The following DOK7 variants were observed in gnomAD, a reference collection of about 807,000 sequenced individuals.
DOK7 encodes docking protein 7, also known as protein Dok-7.
DOK7 carries 32 observed loss-of-function variants against 30.7 expected under a neutral mutation model. That is an observed-to-expected ratio of 1.04 (90% CI 0.79 to 1.40). The LOEUF (loss-of-function observed/expected upper bound fraction) is 1.40, where lower values mean the gene tolerates loss of function less well. Among genes scored for constraint, DOK7 ranks in the 40% most tolerant of loss-of-function variants. The pLI, the probability that DOK7 is intolerant of heterozygous loss-of-function variation, is 0.00. For synonymous variants in DOK7, 447 were observed against 324.1 expected, an observed-to-expected ratio of 1.38 and a Z score of -4.07; for missense variants, 1,007 against 699.2, an observed-to-expected ratio of 1.44 and a Z score of -4.97.
intron 5 of DOK7, among the ~76,000 whole-genome samples, chr4:3,488,199 C>G (rs143987548): frequency 2.6e-3 from 401 of 152,372 alleles, no homozygotes; most frequent in African/African-American, 9.3e-3. Flanking sequence ...GGGCCCCAGG[C>G]TGACCGGGGC....
chr4:3,468,441 C>T (rs1043454858), intron 2 of DOK7, among the ~76,000 whole-genome samples: 18 of 129,682 alleles, frequency 1.4e-4, no homozygotes, highest in East Asian at 4.6e-4. Context: ...TGTACATGTA[C>T]GAGTGTGTGC....
At chr4:3,479,724 G>A (rs1727325456) in intron 4 of DOK7, among the ~76,000 whole-genome samples, 4 of 152,232 alleles carry the variant, frequency 2.6e-5, no homozygotes, top group Non-Finnish European at 5.9e-5. Context: ...TGGGGGTCGG[G>A]TGGAGACAGG....
chr4:3,500,201 C>G, intron 6 of DOK7: 4 of 1,525,372 alleles, frequency 2.6e-6, no homozygotes, highest in Non-Finnish European at 3.5e-6. Flanking sequence ...TCTTTGAGAT[C>G]TGTGCCCCTC....
At chr4:3,499,062 A>C (rs553392067), downstream of DOK7, among the ~76,000 whole-genome samples, 1 of 152,186 alleles carries the variant, frequency 6.6e-6, no homozygotes, top group Non-Finnish European at 1.5e-5. Flanking sequence ...CAAGGGTGAG[A>C]GGAGCCAGGC....
rs753317302 is a variant in DOK7, at chr4:3,493,353, T to C, written c.1367T>C (p.Met456Thr). The change falls in exon 7 of 7, where the codon ATG becomes ACG. Residue 456 changes from methionine to threonine, a missense_variant. Coordinates refer to ENST00000340083, the MANE Select transcript of DOK7 (RefSeq NM_173660.5). Reference protein sequence around the residue: ...WLGTRRRGLVMEAPQGSEATL... With the variant: ...WLGTRRRGLVTEAPQGSEATL... ...GGCACGAGACGGCGGGGCCTGGTGA[T>C]GGAGGCCCCCCAGGGCAGCGAGGCC... 2 of 1,598,680 alleles carry C rather than the reference T, an allele frequency of 1.3e-6. No individual in the cohort carries two copies. The highest frequency in any genetic ancestry group is 8.5e-7 in the Non-Finnish European group (1 of 1,172,978).
chr4:3,494,199 CCCTGGTGGGAGCTCT>C lies in DOK7; in HGVS notation c.*699_*713del. 1.0e-6 allele frequency: 1 copy of C among 985,542 alleles called. No homozygotes were observed. Among genetic ancestry groups the C allele is most frequent in the East Asian group, 1.1e-4 (1 of 8,812 alleles). 61.0% of individuals were successfully genotyped at this position (985,542 alleles called of 1,614,324 possible). On this transcript the variant is annotated 3_prime_UTR_variant, in exon 7 of 7. Coordinates refer to ENST00000340083, the MANE Select transcript of DOK7 (RefSeq NM_173660.5). ...CTGGGAGAGGCGCCGTGCCTCGGGC[CCCTGGTGGGAGCTCT>C]GCTGGCTCCTGTCTGAACCTCCTCG...
exon 8 of DOK7, chr4:3,500,986 T>C: frequency 2.5e-6 from 3 of 1,186,920 alleles, no homozygotes; most frequent in Non-Finnish European, 2.3e-6. Context: ...AACAGGAAGT[T>C]TTCAGGGCCC....
chr4:3,466,722 G>A (rs752789113), intron 2 of DOK7, among the ~76,000 whole-genome samples: 9 of 152,190 alleles, frequency 5.9e-5, no homozygotes, highest in Non-Finnish European at 7.4e-5. Flanking sequence ...CCCCGCCTGC[G>A]TCCTCGTCTA....
At chr4:3,463,795 C>T (rs1305330063) in intron 2 of DOK7, among the ~76,000 whole-genome samples, 3 of 152,126 alleles carry the variant, frequency 2.0e-5, no homozygotes, top group Non-Finnish European at 2.9e-5. Context: ...GCCCTGTAGG[C>T]GGAGGGGACG....
Position 3,500,744 on chromosome 4 carries a change from GCA to G in DOK7, c.1317_1318del (p.His439GlnfsTer96), listed in dbSNP as rs1208583934. 11 of 1,535,322 alleles carry G rather than the reference GCA, an allele frequency of 7.2e-6. No homozygotes were observed. The East Asian group carries it at 1.2e-4, about 17-fold the overall frequency. On this transcript the variant is annotated frameshift_variant, in exon 8 of 8. Transcript: ENST00000643608. LOFTEE classifies it low-confidence loss of function (END_TRUNC). ...TCGACATCATGGCCACCGAGACGGC[GCA>G]CAGAGTGGGGGTGCGGCACGCACGG...
At chr4:3,487,210 G>T (rs980692169) in intron 5 of DOK7, among the ~76,000 whole-genome samples, 5 of 130,946 alleles carry the variant, frequency 3.8e-5, no homozygotes, top group Non-Finnish European at 6.5e-5. Flanking sequence ...GTGTGTGGGG[G>T]CCTCAGGCCA....
At chr4:3,489,823 T>C (rs370262245) in intron 6 of DOK7, 27 bp downstream of exon 6, 2 of 1,562,320 alleles carry the variant, frequency 1.3e-6, no homozygotes, top group Non-Finnish European at 1.7e-6. Flanking sequence ...ACCTGGGCTG[T>C]GGGACCTCGG....
At chr4:3,481,289 C>G (rs1197136397) in intron 4 of DOK7, among the ~76,000 whole-genome samples, 1 of 151,994 alleles carries the variant, frequency 6.6e-6, no homozygotes, top group African/African-American at 2.4e-5. Context: ...AAGAGGCTGG[C>G]AGGGGCCAGA....
At chr4:3,496,774 AG>A, downstream of DOK7, 1 of 1,531,536 alleles carries the variant, frequency 6.5e-7, no homozygotes, top group Non-Finnish European at 8.7e-7. Context: ...GCACAGGATG[AG>A]GGGAAGACTG....
intron 6 of DOK7, among the ~76,000 whole-genome samples, chr4:3,499,978 C>T (rs1729112370): frequency 6.6e-6 from 1 of 151,684 alleles, no homozygotes; most frequent in Non-Finnish European, 1.5e-5. Flanking sequence ...TCGGCAATTC[C>T]TGCAGGGGAG....
chr4:3,471,152 C>G (rs543059613), intron 2 of DOK7, among the ~76,000 whole-genome samples: 1 of 152,232 alleles, frequency 6.6e-6, no homozygotes, highest in Non-Finnish European at 1.5e-5. Context: ...GCAGGGAAGA[C>G]GCTCTGGCCT....
intron 4 of DOK7, among the ~76,000 whole-genome samples, chr4:3,478,712 C>T (rs2699431): frequency 0.46 from 69,105 of 151,226 alleles, 15,991 homozygotes; most frequent in Admixed American, 0.53. Context: ...CTGCACACCC[C>T]GTAGGGTAGG....
At chr4:3,473,293 C>G in intron 2 of DOK7, 113 bp from the exon 3 acceptor site, 1 of 1,029,828 alleles carries the variant, frequency 9.7e-7, no homozygotes, top group Non-Finnish European at 1.4e-6. Flanking sequence ...GAGTGGCTGG[C>G]TTGAGGTCAT....
chr4:3,480,014 G>A (rs1031140300), intron 4 of DOK7, among the ~76,000 whole-genome samples: 5 of 152,250 alleles, frequency 3.3e-5, no homozygotes, highest in Admixed American at 6.5e-5. Context: ...TGGACTGTGC[G>A]TGGTGGAGAG....
Sources: gnomAD v4.1 joint callset for allele counts (sites outside exome capture counted in the v4.1 genomes callset) on GRCh38, gnomAD v4.1.1 for gene constraint, MANE v1.5 for transcripts, NCBI Gene and HGNC (gene_info 2026-07-23, HGNC 2026-07-21) for gene names.